The following UNC93A variants were observed in gnomAD, a reference collection of about 807,000 sequenced individuals.
The protein encoded by UNC93A is unc-93 homolog A.
In UNC93A, 43 loss-of-function variants were observed where a neutral mutation model predicts 47.5. The observed-to-expected ratio is 0.91, with a 90% confidence interval of 0.71 to 1.17. The LOEUF (loss-of-function observed/expected upper bound fraction) is 1.17. Ranked by LOEUF, UNC93A falls within the 50% of genes most tolerant of loss-of-function variation. UNC93A has a pLI of 0.00. For missense variants in UNC93A, 605 were observed against 577.6 expected (o/e 1.05, Z -0.49); for synonymous variants, 280 against 258.0 (o/e 1.09, Z -0.82).
At chr6:167,314,252 G>T (rs981486986) in intron 7 of UNC93A, among the ~76,000 whole-genome samples, 11 of 152,120 alleles carry the variant, frequency 7.2e-5, no homozygotes, top group Admixed American at 2.6e-4. Flanking sequence ...GCTGAACCAG[G>T]TGCCATGGAG....
chr6:167,296,620 G>A (rs556106875), intron 3 of UNC93A, among the ~76,000 whole-genome samples: 2 of 152,332 alleles, frequency 1.3e-5, no homozygotes, highest in African/African-American at 2.4e-5. Flanking sequence ...GGGGTTGCCT[G>A]ATTTCTTTTC....
intron 1 of UNC93A, among the ~76,000 whole-genome samples, chr6:167,279,809 C>A (rs1327056719): frequency 6.6e-6 from 1 of 152,278 alleles, no homozygotes; most frequent in Non-Finnish European, 1.5e-5. Context: ...AAAAAGATGC[C>A]AGACCCTTAT....
At chr6:167,275,649 T>A (rs1783527113) in intron 1 of UNC93A, among the ~76,000 whole-genome samples, 1 of 152,250 alleles carries the variant, frequency 6.6e-6, no homozygotes, top group Admixed American at 6.5e-5. Context: ...ATGAGGCACA[T>A]GTCCCAGCAG....
chr6:167,298,085 G>T lies in UNC93A; in HGVS notation c.625+15G>T, dbSNP rs759880323. On this transcript the variant is annotated intron_variant, in intron 4 of 7. Coordinates refer to ENST00000230256, the MANE Select transcript of UNC93A (RefSeq NM_018974.4). ...CATCTACACTGGTACGAGCTCCATC[G>T]GCCCAGGGCAGGGTCCCTAGCAAAG... 9.3e-6 allele frequency: 15 copies of T among 1,612,104 alleles called. No homozygotes were observed. The highest frequency in any genetic ancestry group is 1.2e-5 in the Non-Finnish European group (14 of 1,179,116).
intron 1 of UNC93A, among the ~76,000 whole-genome samples, chr6:167,281,424 G>T (rs1002765476): frequency 1.3e-5 from 2 of 152,206 alleles, no homozygotes; most frequent in Non-Finnish European, 2.9e-5. Flanking sequence ...GAGATGAGTT[G>T]AGCTGAATAC....
At chr6:167,295,193 T>C (rs1406923425) in intron 2 of UNC93A, among the ~76,000 whole-genome samples, 1 of 152,010 alleles carries the variant, frequency 6.6e-6, no homozygotes, top group Non-Finnish European at 1.5e-5. Context: ...CTGAGGGCTT[T>C]GGCCTGCACC....
rs374028226 is a variant in UNC93A, at chr6:167,308,871, G to T, written c.1108+961G>T. On this transcript the variant is annotated intron_variant, in intron 7 of 7. Coordinates refer to ENST00000230256, the MANE Select transcript of UNC93A (RefSeq NM_018974.4). Reference sequence around the variant, plus strand: ...CTGTGGGGAGCCGGGAGGGCTGGTTGTCGGATAGAAGGTGACATCCCATGA... The same window carrying T: ...CTGTGGGGAGCCGGGAGGGCTGGTTTTCGGATAGAAGGTGACATCCCATGA... Among the ~76,000 whole-genome samples, 103 of 152,274 alleles carry T rather than the reference G, an allele frequency of 6.8e-4. 1 individual carries two copies. Among genetic ancestry groups the T allele is most frequent in the Middle Eastern group, 6.8e-3 (2 of 294 alleles).
At position 167,294,589 on chromosome 6, in the gene UNC93A, T is replaced by C. The variant is rs1331781382; in HGVS notation, c.160T>C (p.Ser54Pro). 6.2e-7 allele frequency: 1 copy of C among 1,613,782 alleles called. No individual in the cohort carries two copies. Among genetic ancestry groups the C allele is most frequent in the East Asian group, 2.2e-5 (1 of 44,872 alleles). Reference sequence around the variant, plus strand: ...CCTCTATGGAGGCATGCTCCTGTCCTCCATGTTCCTCCCACCGCTCCTCAT... The same window carrying C: ...CCTCTATGGAGGCATGCTCCTGTCCCCCATGTTCCTCCCACCGCTCCTCAT... ...STLYGGMLLS[S>P]MFLPPLLIER... Residue 54 changes from serine (S) to proline (P), a missense_variant, in exon 2 of 8, where the codon TCC becomes CCC. Physicochemically the swap from Ser to Pro is moderately conservative, Grantham distance 74. Coordinates refer to ENST00000230256, the MANE Select transcript of UNC93A (RefSeq NM_018974.4).
chr6:167,278,165 T>A (rs1224519297), intron 1 of UNC93A, among the ~76,000 whole-genome samples: 8 of 152,170 alleles, frequency 5.3e-5, no homozygotes, highest in African/African-American at 1.9e-4. Context: ...AAGGGACACA[T>A]TACATTACAT....
intron 2 of UNC93A, among the ~76,000 whole-genome samples, chr6:167,295,732 G>A (rs1316465969): frequency 6.9e-6 from 1 of 144,544 alleles, no homozygotes; most frequent in African/African-American, 2.7e-5. Flanking sequence ...CGCCTTCCTC[G>A]TGCTCCTCGC....
chr6:167,273,519 A>T (rs1475146534), intron 1 of UNC93A, among the ~76,000 whole-genome samples: 2 of 152,200 alleles, frequency 1.3e-5, no homozygotes, highest in Non-Finnish European at 2.9e-5. Flanking sequence ...TTGACATTTT[A>T]AAAAGTTGTC....
rs376770568 is a variant in UNC93A at position 167,301,414 on chromosome 6, G to A, written c.626-2505G>A. Among the ~76,000 whole-genome samples, 5 of 152,314 alleles carry A rather than the reference G, an allele frequency of 3.3e-5. No homozygotes were observed. In the East Asian group the frequency reaches 5.8e-4, roughly 18 times the overall value. ...GTCCTTTTCTATAAAGCAAGACCAT[G>A]TCTCCATAAAGAAAAACATAGGAAG... On this transcript the variant is annotated intron_variant, in intron 4 of 7. Transcript: ENST00000230256.
At chr6:167,297,818 G>T (rs973719538) in intron 3 of UNC93A, 127 bp from the exon 4 acceptor site, 4 of 1,209,796 alleles carry the variant, frequency 3.3e-6, no homozygotes, top group Non-Finnish European at 4.6e-6. Flanking sequence ...GTCTTTCCAC[G>T]TGACCTGTAG....
At chr6:167,273,710 G>A (rs13195195) in intron 1 of UNC93A, among the ~76,000 whole-genome samples, 106,799 of 150,252 alleles carry the variant, frequency 0.71, 38,406 homozygotes, top group African/African-American at 0.84. Context: ...CATTTAAGCT[G>A]TACATCAGTT....
At chr6:167,313,524 G>A (rs941026789) in intron 7 of UNC93A, among the ~76,000 whole-genome samples, 9 of 152,102 alleles carry the variant, frequency 5.9e-5, no homozygotes, top group Non-Finnish European at 1.2e-4. Context: ...GGGGAGTGGA[G>A]TGAGTCCCTT....
At chr6:167,301,205 T>C (rs1426313754) in intron 4 of UNC93A, among the ~76,000 whole-genome samples, 3 of 152,230 alleles carry the variant, frequency 2.0e-5, no homozygotes, top group African/African-American at 7.2e-5. Flanking sequence ...CTGTTGTCTG[T>C]GGAACCTCCC....
intron 1 of UNC93A, among the ~76,000 whole-genome samples, chr6:167,293,412 A>G (rs774322949): frequency 6.6e-6 from 1 of 152,106 alleles, no homozygotes; most frequent in Non-Finnish European, 1.5e-5. Context: ...ACCCGGGCCT[A>G]TTGTCGGCAG....
chr6:167,302,336 G>T (rs936406296), intron 4 of UNC93A, among the ~76,000 whole-genome samples: 1 of 152,084 alleles, frequency 6.6e-6, no homozygotes, highest in African/African-American at 2.4e-5. Context: ...CAGTAAGATA[G>T]GATAATTCCC....
intron 1 of UNC93A, among the ~76,000 whole-genome samples, chr6:167,273,766 C>T: frequency 6.6e-6 from 1 of 151,988 alleles, no homozygotes; most frequent in Non-Finnish European, 1.5e-5. Context: ...TTCCAGATCA[C>T]AGGCAGATTC....
Sources: allele counts gnomAD v4.1 joint callset (sites outside exome capture counted in the v4.1 genomes callset), GRCh38; gene constraint gnomAD v4.1.1; transcripts MANE v1.5; gene names NCBI Gene and HGNC (gene_info 2026-07-23, HGNC 2026-07-21).